The following GRHL2 variants were observed in gnomAD, a reference collection of about 807,000 sequenced individuals.
GRHL2 encodes grainyhead like transcription factor 2, also known as grainyhead-like protein 2 homolog.
GRHL2 carries 21 observed loss-of-function variants against 83.8 expected under a neutral mutation model. The ratio of observed to expected loss-of-function variants is 0.25; its 90% CI spans 0.18 to 0.36. The LOEUF is 0.36. GRHL2 is among the 10% of genes least tolerant of loss of function. The probability of loss-of-function intolerance (pLI) is 1.00; values close to 1 mark genes in which losing one functional copy is unlikely to be tolerated. For missense variants in GRHL2, 623 were observed against 781.8 expected (o/e 0.80, Z 2.42); for synonymous variants, 280 against 278.9 (o/e 1.00, Z -0.04).
intron 7 of GRHL2, among the ~76,000 whole-genome samples, chr8:101,587,981 A>G (rs1812202455): frequency 6.6e-6 from 1 of 152,230 alleles, no homozygotes; most frequent in South Asian, 2.1e-4. Flanking sequence ...TCAAAATTAA[A>G]TTAAACTCTT....
chr8:101,499,031 T>C (rs1403505072), intron 1 of GRHL2, among the ~76,000 whole-genome samples: 1 of 149,470 alleles, frequency 6.7e-6, no homozygotes, highest in Non-Finnish European at 1.5e-5. Flanking sequence ...GCTGAGATTG[T>C]GCCACTGCGC....
Position 101,644,183 on chromosome 8 carries a change from C to G in GRHL2, c.1570C>G (p.Pro524Ala). 1 of 1,614,114 alleles carries G rather than the reference C, an allele frequency of 6.2e-7. No homozygotes were observed. Among genetic ancestry groups the G allele is most frequent in the South Asian group, 1.1e-5 (1 of 91,066 alleles). The change falls in exon 13 of 16, where the codon CCA becomes GCA. Residue 524 changes from proline to alanine, a missense_variant. Transcript: ENST00000646743. The part of the protein sequence containing the change: ...MFRPMEEEFG[P>A]VPSKQMKEEG... ...CCGGCCCATGGAAGAGGAGTTTGGTCCAGTGCCTTCAAAGCAGATGAAAGA... is the reference window on the plus strand; with the variant it reads ...CCGGCCCATGGAAGAGGAGTTTGGTGCAGTGCCTTCAAAGCAGATGAAAGA...
At chr8:101,656,869 AACAG>A (rs1403131079) in intron 14 of GRHL2, among the ~76,000 whole-genome samples, 11 of 55,400 alleles carry the variant, frequency 2.0e-4, no homozygotes, top group African/African-American at 3.7e-4. Context: ...TTATGTGTCT[AACAG>A]ACACACACAC....
At chr8:101,642,054 G>C (rs566065022) in intron 12 of GRHL2, among the ~76,000 whole-genome samples, 3 of 152,284 alleles carry the variant, frequency 2.0e-5, no homozygotes, top group Non-Finnish European at 4.4e-5. Context: ...CTATGGTTGT[G>C]AAACCCACAG....
chr8:101,543,619 A>G (rs749644518), intron 2 of GRHL2, 183 bp downstream of exon 2: 13 of 670,576 alleles, frequency 1.9e-5, no homozygotes, highest in African/African-American at 8.9e-5. Context: ...GCTCAACTTT[A>G]TCACCCATCC....
intron 8 of GRHL2, among the ~76,000 whole-genome samples, chr8:101,599,448 C>T (rs1812465202): frequency 6.6e-6 from 1 of 152,168 alleles, no homozygotes; most frequent in African/African-American, 2.4e-5. Flanking sequence ...GCAGATTCCC[C>T]CAAAGGCGTC....
the GRHL2 span, among the ~76,000 whole-genome samples, chr8:101,675,299 T>A: frequency 1.3e-5 from 2 of 152,086 alleles, no homozygotes; most frequent in Non-Finnish European, 2.9e-5. Context: ...TGATTGTATA[T>A]CTAGAAAACC....
At chr8:101,541,232 A>C (rs1015053437) in intron 1 of GRHL2, among the ~76,000 whole-genome samples, 59 of 151,170 alleles carry the variant, frequency 3.9e-4, no homozygotes, top group Non-Finnish European at 6.6e-4. Flanking sequence ...TGATGGGTAC[A>C]TATGTTTTTT....
the GRHL2 span, among the ~76,000 whole-genome samples, chr8:101,680,628 T>C: frequency 8.1e-6 from 1 of 124,074 alleles, no homozygotes; most frequent in Non-Finnish European, 1.7e-5. Flanking sequence ...TATACATTTT[T>C]TTCAGCACCA....
At position 101,655,183 on chromosome 8, in the gene GRHL2, T is replaced by TA. The variant is rs34917135; in HGVS notation, c.1698+5698dup. Among the ~76,000 whole-genome samples the TA allele has an allele frequency of 7.6e-4, 110 of 144,136 alleles. 2 individuals carry two copies. Among genetic ancestry groups the TA allele is most frequent in the East Asian group, 5.9e-3 (29 of 4,874 alleles). The allele number at this position is 144,136 out of a possible 152,430, so 94.6% of individuals were successfully genotyped here. A position where few individuals can be genotyped will look rare whatever the true frequency, so the allele number is the denominator to read the frequency against. On this transcript the variant is annotated intron_variant, in intron 14 of 15. Transcript: ENST00000646743. ...GGCAACAAGAGCGAAACTCCAATCC[T>TA]AAAAAAAAAAAAAAGAAGAAGGAAG...
chr8:101,677,599 G>A, the GRHL2 span, among the ~76,000 whole-genome samples: 2 of 152,048 alleles, frequency 1.3e-5, no homozygotes, highest in African/African-American at 2.4e-5. Flanking sequence ...TGGTAGCAGA[G>A]GTGAGTATTT....
chr8:101,588,958 TC>T (rs1812222405), intron 7 of GRHL2, among the ~76,000 whole-genome samples: 1 of 152,176 alleles, frequency 6.6e-6, no homozygotes, highest in Non-Finnish European at 1.5e-5. Flanking sequence ...GGATATGTCA[TC>T]TGGGGTGGGA....
At chr8:101,677,227 A>AATAATAATAATAATAAT in the GRHL2 span, among the ~76,000 whole-genome samples, 103 of 128,212 alleles carry the variant, frequency 8.0e-4, no homozygotes, top group African/African-American at 3.1e-3. Context: ...ATAATAATAA[A>AATAATAATAATAATAAT]AATAAAGAAA....
intron 7 of GRHL2, among the ~76,000 whole-genome samples, chr8:101,585,539 A>G (rs2470624): frequency 0.93 from 141,395 of 152,168 alleles, 66,028 homozygotes; most frequent in Non-Finnish European, 0.98. Flanking sequence ...CTGGGGTGTG[A>G]GCCAGCAACA....
chr8:101,658,934 C>T (rs1022109161), intron 14 of GRHL2, among the ~76,000 whole-genome samples: 2 of 152,046 alleles, frequency 1.3e-5, no homozygotes, highest in Non-Finnish European at 2.9e-5. Context: ...AAATGTTTAT[C>T]GGGGTGCTTA....
intron 3 of GRHL2, among the ~76,000 whole-genome samples, chr8:101,556,177 G>A (rs529339663): frequency 3.9e-5 from 6 of 152,170 alleles, no homozygotes; most frequent in East Asian, 1.9e-4. Flanking sequence ...GGCTAGTCTC[G>A]AACTCCCGAC....
At chr8:101,606,805 A>G (rs577153106) in intron 8 of GRHL2, among the ~76,000 whole-genome samples, 51 of 152,352 alleles carry the variant, frequency 3.3e-4, no homozygotes, top group African/African-American at 1.2e-3. Flanking sequence ...TGAGCAAGCC[A>G]AGCCTAGCTT....
Position 101,666,666 on chromosome 8 carries a change from T to A in GRHL2, c.1841T>A (p.Met614Lys). 6.2e-7 allele frequency: 1 copy of A among 1,613,468 alleles called. No homozygotes were observed. The highest frequency in any genetic ancestry group is 8.5e-7 in the Non-Finnish European group (1 of 1,179,428). The change falls in exon 16 of 16, where the codon ATG (methionine) becomes AAG (lysine). Residue 614 changes from methionine to lysine, a missense_variant. Met to Lys is a moderately conservative substitution (Grantham distance 95). This residue lies in a region of GRHL2 where 210 missense variants were observed against 254.8 expected (regional missense o/e 0.82). Transcript: ENST00000646743. ...EDTFILNMES[M>K]VEGFKVTLME... ...ACCTTCATCCTCAACATGGAGAGCA[T>A]GGTGGAGGGCTTCAAGGTCACGCTC...
chr8:101,670,772 C>T (rs574965540), downstream of GRHL2, among the ~76,000 whole-genome samples: 23 of 152,316 alleles, frequency 1.5e-4, no homozygotes, highest in Admixed American at 1.2e-3. Context: ...GTTGGATAGG[C>T]GATGACGGTT....
Sources: gnomAD v4.1 joint callset for allele counts (sites outside exome capture counted in the v4.1 genomes callset) on GRCh38, gnomAD v4.1.1 for gene constraint, gnomAD v4.1.1 regional missense constraint, MANE v1.5 for transcripts, NCBI Gene and HGNC (gene_info 2026-07-23, HGNC 2026-07-21) for gene names.